Variants in PTPRT observed in about 807,000 individuals in gnomAD.
PTPRT encodes the protein receptor-type tyrosine-protein phosphatase T.
PTPRT carries 56 observed loss-of-function variants against 176.8 expected under a neutral mutation model. That is an observed-to-expected ratio of 0.32 (90% CI 0.26 to 0.40). The LOEUF is 0.40. Among genes scored for constraint, PTPRT ranks in the 10% least tolerant of loss-of-function variants. PTPRT has a pLI of 1.00. For missense variants in PTPRT, 1,540 were observed against 1,908.2 expected, an observed-to-expected ratio of 0.81 and a Z score of 3.60; for synonymous variants, 783 against 739.0, an observed-to-expected ratio of 1.06 and a Z score of -0.96.
chr20:42,740,913 T>G (rs1474407132), intron 6 of PTPRT, among the ~76,000 whole-genome samples: 1 of 152,204 alleles, frequency 6.6e-6, no homozygotes, highest in Non-Finnish European at 1.5e-5. Context: ...TGTATTTCTA[T>G]GCTATAAACC....
intron 1 of PTPRT, among the ~76,000 whole-genome samples, chr20:42,893,314 C>A (rs1728786696): frequency 6.6e-6 from 1 of 152,160 alleles, no homozygotes; most frequent in African/African-American, 2.4e-5. Context: ...CAATGAGATA[C>A]CATCTCATAC....
At chr20:42,358,361 C>G (rs1204463062) in intron 9 of PTPRT, among the ~76,000 whole-genome samples, 1 of 152,128 alleles carries the variant, frequency 6.6e-6, no homozygotes, top group Admixed American at 6.5e-5. Flanking sequence ...GAGCTCTTGA[C>G]TAGGTGCTTG....
Position 42,074,252 on chromosome 20 carries a change from G to A in PTPRT, c.*6627C>T, listed in dbSNP as rs1982562490. On this transcript the variant is annotated 3_prime_UTR_variant, in exon 31 of 31. Transcript: ENST00000373187. ...CAGGGTGGACACTGAGAGTTTGTTG[G>A]ACCATCATAGAGAAGGCCCACTGAT... 4.4e-6 allele frequency: 1 copy of A among 228,296 alleles called. No homozygotes were observed. Among genetic ancestry groups the A allele is most frequent in the African/African-American group, 2.2e-5 (1 of 45,046 alleles). 14.1% of individuals were successfully genotyped at this position (228,296 alleles called of 1,614,324 possible). A position where few individuals can be genotyped will look rare whatever the true frequency, so the allele number is the denominator to read the frequency against.
intron 7 of PTPRT, among the ~76,000 whole-genome samples, chr20:42,519,943 C>A (rs1349250778): frequency 6.6e-6 from 1 of 152,042 alleles, no homozygotes; most frequent in Non-Finnish European, 1.5e-5. Context: ...TTGGTACATA[C>A]AAATTTAGAA....
intron 2 of PTPRT, among the ~76,000 whole-genome samples, chr20:42,816,118 G>T (rs968650628): frequency 1.3e-5 from 2 of 152,114 alleles, no homozygotes; most frequent in East Asian, 1.9e-4. Context: ...CATCTCAGAC[G>T]ACAGCCATGA....
At chr20:42,399,708 T>A (rs1014393727) in intron 9 of PTPRT, among the ~76,000 whole-genome samples, 2 of 152,188 alleles carry the variant, frequency 1.3e-5, no homozygotes, top group Admixed American at 6.6e-5. Flanking sequence ...GGCTCCTTTT[T>A]TCCTAGCAGC....
intron 11 of PTPRT, 26 bp from the exon 12 acceptor site, chr20:42,316,022 T>G (rs757893714): frequency 1.2e-6 from 2 of 1,609,826 alleles, no homozygotes; most frequent in African/African-American, 1.3e-5. Context: ...GAGACACAGA[T>G]GGTTGAGCAA....
chr20:42,927,680 C>A (rs1467562577), intron 1 of PTPRT, among the ~76,000 whole-genome samples: 1 of 152,102 alleles, frequency 6.6e-6, no homozygotes, highest in Non-Finnish European at 1.5e-5. Context: ...TCAAACAGAC[C>A]AGAGTTCACA....
At chr20:42,099,158 C>T (rs1051507760) in intron 26 of PTPRT, among the ~76,000 whole-genome samples, 1 of 152,122 alleles carries the variant, frequency 6.6e-6, no homozygotes, top group African/African-American at 2.4e-5. Flanking sequence ...ATCCATCTGT[C>T]CATCCATTTG....
chr20:42,228,359 C>T (rs2056064374), intron 15 of PTPRT, among the ~76,000 whole-genome samples: 1 of 152,190 alleles, frequency 6.6e-6, no homozygotes, highest in Non-Finnish European at 1.5e-5. Flanking sequence ...CTCTGTTTGG[C>T]ATGCGTGACT....
chr20:42,889,567 T>C (rs2079158138), intron 1 of PTPRT, among the ~76,000 whole-genome samples: 2 of 152,224 alleles, frequency 1.3e-5, no homozygotes, highest in Non-Finnish European at 2.9e-5. Flanking sequence ...GACCTTAATG[T>C]CCCTCCTACA....
chr20:42,235,138 A>G (rs1295850994), intron 15 of PTPRT, among the ~76,000 whole-genome samples: 4 of 152,198 alleles, frequency 2.6e-5, no homozygotes, highest in Non-Finnish European at 5.9e-5. Context: ...GAAAGTGCAT[A>G]TTAGGAATGT....
intron 11 of PTPRT, among the ~76,000 whole-genome samples, chr20:42,346,354 G>A (rs907145960): frequency 3.9e-5 from 6 of 152,156 alleles, no homozygotes; most frequent in African/African-American, 9.7e-5. Flanking sequence ...AGGTTAGTAC[G>A]GATCAGTCAC....
intron 1 of PTPRT, among the ~76,000 whole-genome samples, chr20:43,143,141 T>C (rs1366716893): frequency 1.3e-5 from 2 of 152,116 alleles, no homozygotes; most frequent in Non-Finnish European, 2.9e-5. Context: ...CAGGACAATG[T>C]TCAGGGGTGG....
intron 2 of PTPRT, among the ~76,000 whole-genome samples, chr20:42,867,681 GC>G (rs1285150332): frequency 2.2e-5 from 3 of 135,004 alleles, no homozygotes; most frequent in Non-Finnish European, 3.1e-5. Flanking sequence ...TTTACATATG[GC>G]CTTTTTTTTT....
At chr20:42,725,432 A>G (rs905491334) in intron 6 of PTPRT, among the ~76,000 whole-genome samples, 2 of 151,998 alleles carry the variant, frequency 1.3e-5, no homozygotes, top group African/African-American at 4.8e-5. Flanking sequence ...GGAAGAATGT[A>G]TATGAGGTAG....
At chr20:42,131,035 C>A (rs191275630) in intron 18 of PTPRT, among the ~76,000 whole-genome samples, 1 of 152,254 alleles carries the variant, frequency 6.6e-6, no homozygotes, top group Admixed American at 6.5e-5. Context: ...TCCGAAGTTA[C>A]GCATCATGTG....
chr20:42,044,343 G>A, the PTPRT span, among the ~76,000 whole-genome samples: 7 of 152,330 alleles, frequency 4.6e-5, no homozygotes, highest in African/African-American at 1.7e-4. Context: ...GTCCCAAATA[G>A]CTGATGATTT....
chr20:42,386,345 T>C (rs2058744043), intron 9 of PTPRT, among the ~76,000 whole-genome samples: 1 of 150,764 alleles, frequency 6.6e-6, no homozygotes, highest in African/African-American at 2.5e-5. Flanking sequence ...GTCCCAGGAG[T>C]TTAAAAAAGA....
Sources: gnomAD v4.1 joint callset for allele counts (sites outside exome capture counted in the v4.1 genomes callset) on GRCh38, gnomAD v4.1.1 for gene constraint, MANE v1.5 for transcripts, NCBI Gene and HGNC (gene_info 2026-07-23, HGNC 2026-07-21) for gene names.